ZFPM2: variants seen among roughly 807,000 people sequenced by gnomAD.
ZFPM2 encodes the protein zinc finger protein, FOG family member 2, also known as zinc finger protein ZFPM2.
In ZFPM2, 20 loss-of-function variants were observed where a neutral mutation model predicts 98.6. The observed-to-expected ratio is 0.20, with a 90% CI of 0.14 to 0.29. The LOEUF (loss-of-function observed/expected upper bound fraction) is 0.29, where lower values mean the gene tolerates loss of function less well. Among genes scored for constraint, ZFPM2 ranks in the 10% least tolerant of loss-of-function variants. The pLI is 1.00. For synonymous variants in ZFPM2, 518 were observed against 502.7 expected, an observed-to-expected ratio of 1.03 and a Z score of -0.41; for missense variants, 1,310 against 1,388.6, an observed-to-expected ratio of 0.94 and a Z score of 0.90.
intron 3 of ZFPM2, among the ~76,000 whole-genome samples, chr8:105,518,337 A>G (rs551280811): frequency 6.6e-6 from 1 of 152,192 alleles, no homozygotes; most frequent in Admixed American, 6.5e-5. Context: ...ATTATACTTC[A>G]TCATTTTAGC....
At chr8:105,596,737 TGC>T (rs1815978221) in intron 4 of ZFPM2, among the ~76,000 whole-genome samples, 2 of 147,004 alleles carry the variant, frequency 1.4e-5, no homozygotes, top group African/African-American at 2.5e-5. Context: ...TGCCTTTGTC[TGC>T]TTTTTTTTTT....
chr8:105,550,374 T>C (rs1814823257), intron 3 of ZFPM2, among the ~76,000 whole-genome samples: 1 of 152,172 alleles, frequency 6.6e-6, no homozygotes, highest in African/African-American at 2.4e-5. Flanking sequence ...TGTTACATTT[T>C]TTTGAAACAA....
At chr8:105,701,330 A>G (rs944668134) in intron 5 of ZFPM2, among the ~76,000 whole-genome samples, 1 of 152,198 alleles carries the variant, frequency 6.6e-6, no homozygotes, top group African/African-American at 2.4e-5. Context: ...GAGCTTTTCA[A>G]GACATTTGAT....
chr8:105,689,178 T>C (rs138651261), intron 5 of ZFPM2, among the ~76,000 whole-genome samples: 219 of 152,284 alleles, frequency 1.4e-3, no homozygotes, highest in African/African-American at 5.1e-3. Flanking sequence ...GGAAGCCTTC[T>C]GTAACCACCT....
intron 1 of ZFPM2, among the ~76,000 whole-genome samples, chr8:105,415,625 T>C (rs1405588465): frequency 2.0e-5 from 3 of 152,108 alleles, no homozygotes; most frequent in Non-Finnish European, 4.4e-5. Context: ...GTACTTGTGC[T>C]TCAAGTGTCT....
intron 3 of ZFPM2, among the ~76,000 whole-genome samples, chr8:105,553,016 GC>G (rs1227535087): frequency 2.0e-5 from 3 of 151,528 alleles, no homozygotes; most frequent in African/African-American, 7.3e-5. Context: ...TTGCCATGTT[GC>G]CCAGGCTGGT....
At chr8:105,700,178 G>A (rs1811110010) in intron 5 of ZFPM2, among the ~76,000 whole-genome samples, 2 of 152,266 alleles carry the variant, frequency 1.3e-5, no homozygotes, top group South Asian at 4.1e-4. Context: ...GAAAATTCAA[G>A]CCCAGCTTAT....
At chr8:105,779,176 A>G (rs1563559788) in intron 5 of ZFPM2, among the ~76,000 whole-genome samples, 3 of 152,258 alleles carry the variant, frequency 2.0e-5, no homozygotes, top group East Asian at 3.9e-4. Flanking sequence ...TTTTTAGCTT[A>G]AAGTTTCACA....
At chr8:105,746,819 C>T (rs1812360116) in intron 5 of ZFPM2, among the ~76,000 whole-genome samples, 2 of 151,968 alleles carry the variant, frequency 1.3e-5, no homozygotes, top group African/African-American at 4.8e-5. Context: ...CTGAAGGAAA[C>T]CATGCTTGTT....
intron 5 of ZFPM2, among the ~76,000 whole-genome samples, chr8:105,694,883 G>C (rs1339696531): frequency 6.6e-6 from 1 of 152,000 alleles, no homozygotes; most frequent in East Asian, 1.9e-4. Context: ...CTTTATCAGT[G>C]GTATTCTAGC....
chr8:105,449,662 A>G (rs1224551490), intron 3 of ZFPM2, among the ~76,000 whole-genome samples: 1 of 151,980 alleles, frequency 6.6e-6, no homozygotes, highest in Non-Finnish European at 1.5e-5. Flanking sequence ...CCCTCTGTTT[A>G]TATCTTGGTT....
intron 1 of ZFPM2, among the ~76,000 whole-genome samples, chr8:105,416,914 A>G (rs1405987272): frequency 6.6e-6 from 1 of 151,790 alleles, no homozygotes; most frequent in East Asian, 1.9e-4. Context: ...TTTCTAAGTT[A>G]CCTATGTTTT....
At chr8:105,431,449 A>AT (rs1812019407) in intron 2 of ZFPM2, among the ~76,000 whole-genome samples, 1 of 152,226 alleles carries the variant, frequency 6.6e-6, no homozygotes, top group Admixed American at 6.5e-5. Flanking sequence ...AACACCTGCT[A>AT]TGTCAGACAT....
At chr8:105,687,887 G>A (rs1020509720) in intron 5 of ZFPM2, among the ~76,000 whole-genome samples, 2 of 151,980 alleles carry the variant, frequency 1.3e-5, no homozygotes, top group Middle Eastern at 3.2e-3. Flanking sequence ...AGAAATAAAA[G>A]AAGAATACAT....
chr8:105,489,385 T>C (rs1241369375), intron 3 of ZFPM2, among the ~76,000 whole-genome samples: 1 of 147,410 alleles, frequency 6.8e-6, no homozygotes, highest in Non-Finnish European at 1.5e-5. Flanking sequence ...TATATATTTA[T>C]AGATATATAT....
intron 5 of ZFPM2, among the ~76,000 whole-genome samples, chr8:105,648,944 A>G (rs965171698): frequency 2.6e-5 from 4 of 152,196 alleles, no homozygotes; most frequent in Non-Finnish European, 4.4e-5. Context: ...TGGGGATGGC[A>G]TTCAGTCTAT....
chr8:105,576,452 C>T (rs1815470562), intron 4 of ZFPM2, among the ~76,000 whole-genome samples: 1 of 152,058 alleles, frequency 6.6e-6, no homozygotes, highest in East Asian at 1.9e-4. Flanking sequence ...GATGTTTGCT[C>T]CCCACTGCTG....
intron 3 of ZFPM2, 65 bp from the exon 4 acceptor site, chr8:105,561,298 A>G (rs1010719913): frequency 3.4e-6 from 4 of 1,182,704 alleles, no homozygotes; most frequent in African/African-American, 2.2e-5. Flanking sequence ...CAAACACACA[A>G]AAAGAGGTGG....
At chr8:105,556,414 A>G (rs1814992004) in intron 3 of ZFPM2, among the ~76,000 whole-genome samples, 1 of 152,192 alleles carries the variant, frequency 6.6e-6, no homozygotes, top group South Asian at 2.1e-4. Flanking sequence ...TTTATCAGGT[A>G]CTTTGCCTTT....
Sources: gnomAD v4.1 joint callset for allele counts (sites outside exome capture counted in the v4.1 genomes callset) on GRCh38, gnomAD v4.1.1 for gene constraint, MANE v1.5 for transcripts, NCBI Gene and HGNC (gene_info 2026-07-23, HGNC 2026-07-21) for gene names.